The following SLCO1A2 variants were observed in gnomAD, a reference collection of about 807,000 sequenced individuals.
SLCO1A2 encodes the protein OATP-1.
SLCO1A2 carries 67 observed loss-of-function variants against 69.0 expected under a neutral mutation model. That is an observed-to-expected ratio of 0.97 (90% CI 0.80 to 1.19). The LOEUF is 1.19. Among genes scored for constraint, SLCO1A2 ranks in the 50% most tolerant of loss-of-function variants. SLCO1A2 has a pLI of 0.00. For missense variants in SLCO1A2, 787 were observed against 793.7 expected (o/e 0.99, Z 0.10); for synonymous variants, 260 against 265.9 (o/e 0.98, Z 0.22).
intron 3 of SLCO1A2, among the ~76,000 whole-genome samples, chr12:21,317,992 C>T (rs1043405481): frequency 7.9e-5 from 12 of 151,268 alleles, no homozygotes; most frequent in African/African-American, 2.7e-4. Flanking sequence ...GCAGTCTTTT[C>T]TTCTCTCTGT....
At position 21,292,168 on chromosome 12, in the gene SLCO1A2, A is replaced by G. The variant is rs954136482; in HGVS notation, c.1606T>C (p.Leu536=). The change falls in exon 12 of 15, where the codon TTG becomes CTG. Residue 536 remains leucine, a synonymous_variant. Transcript: ENST00000683939. ...LAAIPGYMVL[L]RCMKSEEKSL... ...ATAAAGAAAATAATTTTGTACCTCA[A>G]GAGAACCATATATCCAGGTATGGCA... 1.9e-6 allele frequency: 3 copies of G among 1,579,554 alleles called. No homozygotes were observed. The African/African-American group carries it at 4.1e-5, about 22-fold the overall frequency.
At chr12:21,395,189 G>C (rs970496872) in exon 1 of SLCO1A2, 1 of 153,578 alleles carries the variant, frequency 6.5e-6, no homozygotes, top group African/African-American at 2.4e-5. Context: ...GCCAAAGCAG[G>C]GTGAGGCATT....
At position 21,266,458 on chromosome 12, in the gene SLCO1A2, A is replaced by G. The variant is rs1312977051; in HGVS notation, c.*3090T>C. On this transcript the variant is annotated 3_prime_UTR_variant, in exon 15 of 15. Transcript: ENST00000683939. The stretch of plus-strand genomic sequence containing the variant: ...TGTGCTATTACTCAAATTTCTTAAA[A>G]TCATCTGAGGAAAAGTTAATGATTT... 1 of 152,130 alleles carries G rather than the reference A, an allele frequency of 6.6e-6. No homozygotes were observed. The highest frequency in any genetic ancestry group is 1.5e-5 in the Non-Finnish European group (1 of 68,028). The allele number at this position is 152,130 out of a possible 1,614,324, so 9.4% of individuals were successfully genotyped here.
intron 2 of SLCO1A2, among the ~76,000 whole-genome samples, chr12:21,332,659 G>A (rs1475934332): frequency 6.6e-6 from 1 of 152,032 alleles, no homozygotes; most frequent in Non-Finnish European, 1.5e-5. Flanking sequence ...TGGCTTAGAG[G>A]CTGTATATAC....
rs1947554692 is a variant in SLCO1A2, at chr12:21,295,391, C to T, written c.1271+206G>A. 15 of 503,502 alleles carry T rather than the reference C, an allele frequency of 3.0e-5. No homozygotes were observed. The South Asian group carries it at 3.5e-4, about 12-fold the overall frequency. The allele number at this position is 503,502 out of a possible 1,614,324, so 31.2% of individuals were successfully genotyped here. A position where few individuals can be genotyped will look rare whatever the true frequency, so the allele number is the denominator to read the frequency against. On this transcript the variant is annotated intron_variant, in intron 10 of 14. Transcript: ENST00000683939. ...GCACATACAATCATAAATTCACTCA[C>T]CCTGTGATATGTTCCCAACCTCATT...
chr12:21,408,799 G>A (rs1941864219), intron 1 of SLCO1A2, among the ~76,000 whole-genome samples: 1 of 151,906 alleles, frequency 6.6e-6, no homozygotes, highest in South Asian at 2.1e-4. Flanking sequence ...AATAGTCACG[G>A]CAAAAAGTGA....
At chr12:21,292,041 C>A in intron 12 of SLCO1A2, 123 bp downstream of exon 12, 2 of 591,892 alleles carry the variant, frequency 3.4e-6, no homozygotes, top group Non-Finnish European at 5.4e-6. Flanking sequence ...AATACAAAAC[C>A]CTTAATAAAT....
chr12:21,300,615 C>A, intron 7 of SLCO1A2, 46 bp from the exon 8 acceptor site: 2 of 1,352,480 alleles, frequency 1.5e-6, no homozygotes, highest in Non-Finnish European at 2.0e-6. Flanking sequence ...TCAGTATTTT[C>A]TGTATGAACT....
intron 1 of SLCO1A2, among the ~76,000 whole-genome samples, chr12:21,409,559 G>C (rs1025707480): frequency 6.6e-6 from 1 of 152,098 alleles, no homozygotes; most frequent in African/African-American, 2.4e-5. Context: ...GGAAAAATTT[G>C]CTGATCTCTG....
intron 2 of SLCO1A2, among the ~76,000 whole-genome samples, chr12:21,358,520 T>C (rs1225927642): frequency 6.6e-6 from 1 of 152,168 alleles, no homozygotes; most frequent in Non-Finnish European, 1.5e-5. Flanking sequence ...ACAAAAAGTA[T>C]TATAATATTT....
At chr12:21,275,477 C>T (rs1943654563) in intron 12 of SLCO1A2, 53 bp from the exon 13 acceptor site, 1 of 1,345,534 alleles carries the variant, frequency 7.4e-7, no homozygotes. Context: ...TTAAAACTAT[C>T]ATATTGTCTT....
chr12:21,359,399 G>T (rs2137040066), intron 2 of SLCO1A2, among the ~76,000 whole-genome samples: 1 of 151,324 alleles, frequency 6.6e-6, no homozygotes, highest in South Asian at 2.1e-4. Context: ...TAAAACATTA[G>T]TGAAAAAAAA....
At chr12:21,377,534 T>C (rs1015752132) in intron 1 of SLCO1A2, among the ~76,000 whole-genome samples, 3 of 152,216 alleles carry the variant, frequency 2.0e-5, no homozygotes, top group African/African-American at 7.2e-5. Context: ...TGACTGAAGC[T>C]GTACACCCAA....
chr12:21,275,095 A>G (rs1381684892), intron 13 of SLCO1A2: 10 of 1,056,238 alleles, frequency 9.5e-6, no homozygotes, highest in Non-Finnish European at 1.0e-5. Flanking sequence ...CTAGTATTTA[A>G]TATTGTTCTG....
intron 1 of SLCO1A2, among the ~76,000 whole-genome samples, chr12:21,402,097 G>A (rs1449448791): frequency 5.5e-5 from 8 of 145,944 alleles, no homozygotes; most frequent in Non-Finnish European, 7.6e-5. Context: ...TGAAAAATAA[G>A]AGTAATGTTA....
chr12:21,279,386 C>T (rs1352921206), intron 12 of SLCO1A2, among the ~76,000 whole-genome samples: 3 of 151,980 alleles, frequency 2.0e-5, no homozygotes, highest in Non-Finnish European at 2.9e-5. Flanking sequence ...AGATTTAACC[C>T]AAAGATTACC....
In SLCO1A2 at chr12:21,333,988, A is replaced by G. The variant is rs369330788; in HGVS notation, c.60+600T>C. Among the ~76,000 whole-genome samples, 5 of 152,196 alleles carry G rather than the reference A, an allele frequency of 3.3e-5. No individual in the cohort carries two copies. In the East Asian group the frequency reaches 7.8e-4, roughly 24 times the overall value. Reference sequence around the variant, plus strand: ...TTGAAACCACTTGCAGGCACTAGCTATAGAATCAGGACAAATGTCCAGATC... The same window carrying G: ...TTGAAACCACTTGCAGGCACTAGCTGTAGAATCAGGACAAATGTCCAGATC... On this transcript the variant is annotated intron_variant, in intron 2 of 14. Coordinates refer to ENST00000683939, the MANE Select transcript of SLCO1A2 (RefSeq NM_001386879.1).
At chr12:21,270,504 A>C (rs1269795971) in intron 14 of SLCO1A2, among the ~76,000 whole-genome samples, 1 of 151,716 alleles carries the variant, frequency 6.6e-6, no homozygotes, top group East Asian at 1.9e-4. Flanking sequence ...TAGCTTTGTG[A>C]AATGAATTAC....
intron 1 of SLCO1A2, among the ~76,000 whole-genome samples, chr12:21,405,183 C>G (rs1941803171): frequency 6.6e-6 from 1 of 150,424 alleles, no homozygotes; most frequent in Non-Finnish European, 1.5e-5. Context: ...GTTGTCTGTT[C>G]ACTCGGATGA....
Sources: allele counts gnomAD v4.1 joint callset (sites outside exome capture counted in the v4.1 genomes callset), GRCh38; gene constraint gnomAD v4.1.1; transcripts MANE v1.5; gene names NCBI Gene and HGNC (gene_info 2026-07-23, HGNC 2026-07-21).